ZC2HC1B: variants seen among roughly 807,000 people sequenced by gnomAD.
The protein encoded by ZC2HC1B is zinc finger C2HC domain-containing protein 1B.
A neutral mutation model predicts 31.0 loss-of-function variants in ZC2HC1B; 36 were observed. The ratio of observed to expected loss-of-function variants is 1.16; its 90% CI spans 0.89 to 1.54. The LOEUF (loss-of-function observed/expected upper bound fraction) is 1.54. Among genes scored for constraint, ZC2HC1B ranks in the 40% most tolerant of loss-of-function variants. The probability of loss-of-function intolerance (pLI) is 0.00; values close to 1 mark genes in which losing one functional copy is unlikely to be tolerated. For synonymous variants in ZC2HC1B, 73 were observed against 88.0 expected, an observed-to-expected ratio of 0.83 and a Z score of 0.95; for missense variants, 260 against 268.6, an observed-to-expected ratio of 0.97 and a Z score of 0.22.
At chr6:143,876,567 A>G (rs1049235775) in intron 1 of ZC2HC1B, among the ~76,000 whole-genome samples, 12 of 150,610 alleles carry the variant, frequency 8.0e-5, no homozygotes, top group Admixed American at 5.9e-4. Flanking sequence ...AACTCCTGGT[A>G]CAAAAATCTG....
chr6:143,916,167 A>G (rs1777914936), intron 6 of ZC2HC1B, among the ~76,000 whole-genome samples: 1 of 152,218 alleles, frequency 6.6e-6, no homozygotes, highest in African/African-American at 2.4e-5. Context: ...TCCAGCCCTG[A>G]CTAAAAGGGG....
intron 1 of ZC2HC1B, among the ~76,000 whole-genome samples, chr6:143,866,990 A>G (rs1047216809): frequency 6.6e-5 from 10 of 152,250 alleles, no homozygotes; most frequent in Non-Finnish European, 1.2e-4. Flanking sequence ...TTGAGTGCCA[A>G]TGTGAGACAA....
At chr6:143,898,002 G>T (rs2128494841) in intron 4 of ZC2HC1B, among the ~76,000 whole-genome samples, 1 of 152,254 alleles carries the variant, frequency 6.6e-6, no homozygotes, top group Non-Finnish European at 1.5e-5. Flanking sequence ...TTCTGGAAAA[G>T]TACATCACTT....
chr6:143,869,448 G>A lies in ZC2HC1B; in HGVS notation c.28+4881G>A, dbSNP rs146842465. On this transcript the variant is annotated intron_variant, in intron 1 of 7. Coordinates refer to ENST00000237275, the MANE Select transcript of ZC2HC1B (RefSeq NM_001013623.3). This position sits in a 1 kb window ranked among gnomAD's most constrained non-coding sequence, Gnocchi z 5.2. ...AGACCAGTGAATTCCATGAGCATGC[G>A]CCCACTGCTGCACTTCTTTATCTGT... Among the ~76,000 whole-genome samples the A allele has an allele frequency of 5.8e-4, 89 of 152,272 alleles. No homozygotes were observed. The highest frequency in any genetic ancestry group is 9.3e-4 in the Non-Finnish European group (63 of 68,026).
intron 6 of ZC2HC1B, among the ~76,000 whole-genome samples, chr6:143,928,909 T>C (rs1439302914): frequency 3.3e-5 from 5 of 152,044 alleles, no homozygotes; most frequent in Admixed American, 2.6e-4. Context: ...TATTGCTGTA[T>C]AGAAATGCTA....
In ZC2HC1B at chr6:143,905,789, T is replaced by C. The variant is rs1213968649; in HGVS notation, c.598+2637T>C. ...AAGGGTGTTGAATTTTCTCAAATGGTTTTTTTTGCATCAATTGAGATGATG... is the reference window on the plus strand; with the variant it reads ...AAGGGTGTTGAATTTTCTCAAATGGCTTTTTTTGCATCAATTGAGATGATG... On this transcript the variant is annotated intron_variant, in intron 6 of 7. Transcript: ENST00000237275. The surrounding 1 kb of genome is among the most constrained non-coding windows in gnomAD (Gnocchi z 4.2). 1.3e-5 allele frequency among the ~76,000 whole-genome samples: 2 copies of C among 151,846 alleles called. No individual in the cohort carries two copies. The highest frequency in any genetic ancestry group is 2.4e-5 in the African/African-American group (1 of 41,312).
Position 143,884,231 on chromosome 6 carries a change from C to T in ZC2HC1B, c.29-73C>T. On this transcript the variant is annotated intron_variant, in intron 1 of 7. Transcript: ENST00000237275. This position sits in a 1 kb window ranked among gnomAD's most constrained non-coding sequence, Gnocchi z 5.1. ...GAGGATATCAAGCTATTGAGGTCACCTCCAGTCAGTCATTTCTTCTCAGCG... is the reference window on the plus strand; with the variant it reads ...GAGGATATCAAGCTATTGAGGTCACTTCCAGTCAGTCATTTCTTCTCAGCG... 2 of 1,392,562 alleles carry T rather than the reference C, an allele frequency of 1.4e-6. No homozygotes were observed. Among genetic ancestry groups the T allele is most frequent in the South Asian group, 1.4e-5 (1 of 72,310 alleles). The allele number at this position is 1,392,562 out of a possible 1,614,324, so 86.3% of individuals were successfully genotyped here. A position where few individuals can be genotyped will look rare whatever the true frequency, so the allele number is the denominator to read the frequency against.
At chr6:143,900,147 T>TG (rs1198312206) in intron 5 of ZC2HC1B, among the ~76,000 whole-genome samples, 1 of 151,856 alleles carries the variant, frequency 6.6e-6, no homozygotes, top group Non-Finnish European at 1.5e-5. Flanking sequence ...CCCAGCACTT[T>TG]GGGGGGCTGA....
chr6:143,898,759 C>T, intron 5 of ZC2HC1B, 68 bp downstream of exon 5: 5 of 1,523,052 alleles, frequency 3.3e-6, no homozygotes, highest in Non-Finnish European at 4.4e-6. Flanking sequence ...GGTAGAACTC[C>T]CTAGAGAACC....
intron 1 of ZC2HC1B, among the ~76,000 whole-genome samples, chr6:143,874,150 A>G (rs1041895150): frequency 7.2e-5 from 11 of 152,110 alleles, no homozygotes; most frequent in Non-Finnish European, 1.2e-4. Flanking sequence ...ACAAATCTCT[A>G]GGGCGGGGCG....
intron 5 of ZC2HC1B, among the ~76,000 whole-genome samples, chr6:143,902,270 G>T (rs1196343265): frequency 6.6e-6 from 1 of 152,234 alleles, no homozygotes; most frequent in Non-Finnish European, 1.5e-5. Context: ...TTGAAGGGCT[G>T]TTAACACAGC....
intron 6 of ZC2HC1B, among the ~76,000 whole-genome samples, chr6:143,906,645 T>C (rs1475782493): frequency 6.6e-6 from 1 of 152,078 alleles, no homozygotes; most frequent in African/African-American, 2.4e-5. Flanking sequence ...AGTTTTGCCA[T>C]GTTAGCTAGG....
chr6:143,876,437 T>C (rs1467401482), intron 1 of ZC2HC1B, among the ~76,000 whole-genome samples: 2 of 150,440 alleles, frequency 1.3e-5, no homozygotes, highest in Non-Finnish European at 3.0e-5. Flanking sequence ...TCTATCAGTG[T>C]TCTGCATACT....
chr6:143,882,024 T>C (rs2128493779), intron 1 of ZC2HC1B, among the ~76,000 whole-genome samples: 1 of 152,184 alleles, frequency 6.6e-6, no homozygotes, highest in South Asian at 2.1e-4. Context: ...GTCTTAATAC[T>C]TGGAAAGAGA....
rs928687795 is a variant in ZC2HC1B at position 143,868,796 on chromosome 6, A to G, written c.28+4229A>G. 3.9e-5 allele frequency among the ~76,000 whole-genome samples: 6 copies of G among 152,234 alleles called. No homozygotes were observed. Among genetic ancestry groups the G allele is most frequent in the Admixed American group, 2.0e-4 (3 of 15,282 alleles). On this transcript the variant is annotated intron_variant, in intron 1 of 7. Transcript: ENST00000237275. This position sits in a 1 kb window ranked among gnomAD's most constrained non-coding sequence, Gnocchi z 4.2. Reference sequence around the variant, plus strand: ...ACAACTATCCTTAATACAACCAGAAATGCACCAATCCCCAACCCAAATACT... The same window carrying G: ...ACAACTATCCTTAATACAACCAGAAGTGCACCAATCCCCAACCCAAATACT...
At chr6:143,882,329 A>ATT (rs1273840889) in intron 1 of ZC2HC1B, among the ~76,000 whole-genome samples, 6 of 98,334 alleles carry the variant, frequency 6.1e-5, no homozygotes, top group Non-Finnish European at 7.5e-5. Flanking sequence ...CATATTTTAT[A>ATT]TTTTTTATAT....
chr6:143,868,476 T>G lies in ZC2HC1B; in HGVS notation c.28+3909T>G, dbSNP rs1299286919. Among the ~76,000 whole-genome samples, 3 of 151,956 alleles carry G rather than the reference T, an allele frequency of 2.0e-5. No homozygotes were observed. The highest frequency in any genetic ancestry group is 4.4e-5 in the Non-Finnish European group (3 of 67,974). On this transcript the variant is annotated intron_variant, in intron 1 of 7. Transcript: ENST00000237275. This position sits in a 1 kb window ranked among gnomAD's most constrained non-coding sequence, Gnocchi z 4.2. The stretch of plus-strand genomic sequence containing the variant: ...GTCTAGTCTTTTCACATTTTTTTTT[T>G]CTGCCTGCTTTAGATTCGATCTGCG...
rs1777504370 is a variant in ZC2HC1B at position 143,884,172 on chromosome 6, G to A, written c.29-132G>A. On this transcript the variant is annotated intron_variant, in intron 1 of 7. Coordinates refer to ENST00000237275, the MANE Select transcript of ZC2HC1B (RefSeq NM_001013623.3). This position sits in a 1 kb window ranked among gnomAD's most constrained non-coding sequence, Gnocchi z 5.1. ...TAGTTTACACAGGGTCTTCCCAAAG[G>A]GAAGAAGCAGTTGGTGGGGAGGGAA... The A allele has an allele frequency of 4.1e-6, 3 of 733,210 alleles. No individual in the cohort carries two copies. Among genetic ancestry groups the A allele is most frequent in the East Asian group, 5.9e-5 (2 of 34,104 alleles). 45.4% of individuals were successfully genotyped at this position (733,210 alleles called of 1,614,324 possible).
intron 1 of ZC2HC1B, among the ~76,000 whole-genome samples, chr6:143,874,739 T>C (rs992129853): frequency 6.6e-6 from 1 of 152,218 alleles, no homozygotes; most frequent in Non-Finnish European, 1.5e-5. Flanking sequence ...CCTGGGTCCC[T>C]CCCACAACAT....
Sources: gnomAD v4.1 joint callset for allele counts (sites outside exome capture counted in the v4.1 genomes callset) on GRCh38, gnomAD v4.1.1 for gene constraint, Gnocchi (gnomAD v3.1) non-coding constraint, MANE v1.5 for transcripts, NCBI Gene and HGNC (gene_info 2026-07-23, HGNC 2026-07-21) for gene names.